The following KNTC1 variants were observed in gnomAD, a reference collection of about 807,000 sequenced individuals.
KNTC1 encodes kinetochore-associated protein 1.
A neutral mutation model predicts 314.4 loss-of-function variants in KNTC1; 253 were observed. The ratio of observed to expected loss-of-function variants is 0.80; its 90% CI spans 0.73 to 0.89. The LOEUF (loss-of-function observed/expected upper bound fraction) is 0.89. Ranked by LOEUF, KNTC1 falls within the 40% of genes least tolerant of loss-of-function variation. The pLI is 0.00. For missense variants in KNTC1, 2,475 were observed against 2,572.9 expected, an observed-to-expected ratio of 0.96 and a Z score of 0.82; for synonymous variants, 901 against 901.4, an observed-to-expected ratio of 1.00 and a Z score of 0.01.
chr12:122,598,089 G>A (rs1213250298), intron 44 of KNTC1, among the ~76,000 whole-genome samples, 151 bp downstream of exon 44: 1 of 152,070 alleles, frequency 6.6e-6, no homozygotes, highest in Non-Finnish European at 1.5e-5. Context: ...TTTTAACACA[G>A]TTAAATACAA....
Position 122,613,227 on chromosome 12 carries a change from T to G in KNTC1, c.5738T>G (p.Val1913Gly), listed in dbSNP as rs535800130. Residue 1913 changes from valine (V) to glycine (G), a missense_variant, in exon 54 of 64, where the codon GTG (valine) becomes GGG (glycine). By Grantham distance (109) the Val-to-Gly change is moderately radical (BLOSUM62 -3). Coordinates refer to ENST00000333479, the MANE Select transcript of KNTC1 (RefSeq NM_014708.6). ...ESLFKKPIEE[V>G]KSYLRCITFL... is the part of the protein sequence containing the mutation. ...CTCTTTAAAAAACCCATTGAAGAAGTGAAGTAAGTAGAAATGTTTAAATTG... is the reference window on the plus strand; with the variant it reads ...CTCTTTAAAAAACCCATTGAAGAAGGGAAGTAAGTAGAAATGTTTAAATTG... 3 of 1,543,840 alleles carry G rather than the reference T, an allele frequency of 1.9e-6. No individual in the cohort carries two copies. The South Asian group carries it at 3.4e-5, about 17-fold the overall frequency.
chr12:122,538,496 A>G (rs1465453786), intron 4 of KNTC1, 42 bp downstream of exon 4: 16 of 1,111,040 alleles, frequency 1.4e-5, no homozygotes, highest in African/African-American at 3.2e-5. Flanking sequence ...TTTAAATTCT[A>G]AATAATCTCT....
At chr12:122,529,133 C>T (rs35416556) in intron 1 of KNTC1, among the ~76,000 whole-genome samples, 5,622 of 152,090 alleles carry the variant, frequency 0.037, 141 homozygotes, top group Non-Finnish European at 0.053. Context: ...TGTGAGCCAC[C>T]GCGCCGGCCT....
chr12:122,561,866 T>C, intron 18 of KNTC1, 55 bp from the exon 19 acceptor site: 1 of 1,411,218 alleles, frequency 7.1e-7, no homozygotes, highest in Non-Finnish European at 9.7e-7. Flanking sequence ...ATCCATCATT[T>C]AGGAAATAAA....
intron 10 of KNTC1, 120 bp downstream of exon 10, chr12:122,546,794 T>A: frequency 1.7e-6 from 1 of 575,760 alleles, no homozygotes. Flanking sequence ...CTGTGCTTTT[T>A]TTCAGTATAT....
chr12:122,568,730 G>T (rs1964499542), intron 21 of KNTC1, among the ~76,000 whole-genome samples: 1 of 152,114 alleles, frequency 6.6e-6, no homozygotes. Context: ...CAGCTACTCA[G>T]GAGGCTGAGG....
chr12:122,572,710 T>G (rs1565971077), intron 24 of KNTC1, among the ~76,000 whole-genome samples: 1 of 152,174 alleles, frequency 6.6e-6, no homozygotes, highest in East Asian at 1.9e-4. Context: ...TATACTAATA[T>G]TCTTAATTTT....
chr12:122,577,073 CT>C (rs1462625598), intron 30 of KNTC1, 44 bp downstream of exon 30: 5 of 1,430,594 alleles, frequency 3.5e-6, no homozygotes, highest in Non-Finnish European at 4.6e-6. Context: ...TTCTTTGTTT[CT>C]GTGTTGTTGT....
chr12:122,533,940 TA>T (rs760774288), intron 2 of KNTC1, among the ~76,000 whole-genome samples: 2 of 150,622 alleles, frequency 1.3e-5, no homozygotes, highest in African/African-American at 2.5e-5. Context: ...TTATTATTGT[TA>T]CTCTTTTACA....
chr12:122,621,946 C>G lies in KNTC1; in HGVS notation c.6345C>G (p.Gly2115=), dbSNP rs917157795. ...AATTGGAAGAGCATATGAACACGGG[C>G]CAGCTAGCAGGATTTTCACATCAAG... The part of the protein sequence containing the change: ...LKQLEEHMNT[G]QLAGFSHQIR... Residue 2115 remains glycine, a synonymous_variant, in exon 61 of 64, where the codon GGC becomes GGG. Coordinates refer to ENST00000333479, the MANE Select transcript of KNTC1 (RefSeq NM_014708.6). 2 of 1,607,922 alleles carry G rather than the reference C, an allele frequency of 1.2e-6. No homozygotes were observed. Among genetic ancestry groups the G allele is most frequent in the Non-Finnish European group, 1.7e-6 (2 of 1,176,804 alleles).
rs767616342 is a variant in KNTC1 at position 122,605,002 on chromosome 12, A to G, written c.5301A>G (p.Gly1767=). The G allele has an allele frequency of 6.2e-7, 1 of 1,613,416 alleles. No individual in the cohort carries two copies. The highest frequency in any genetic ancestry group is 1.1e-5 in the South Asian group (1 of 90,854). ...CTGAGGAATATTTAAGAGTGATCGG[A>G]AAGCCAGCACATCTTATTGTCAGTC... ...LNTEEYLRVI[G]KPAHLIVSLY... The change falls in exon 50 of 64, where the codon GGA becomes GGG. Residue 1767 remains glycine (G), a synonymous_variant. Coordinates refer to ENST00000333479, the MANE Select transcript of KNTC1 (RefSeq NM_014708.6).
Position 122,615,490 on chromosome 12 carries a change from T to A in KNTC1, c.5994T>A (p.Val1998=). Residue 1998 remains valine (V), a synonymous_variant, in exon 57 of 64, where the codon GTT becomes GTA. Transcript: ENST00000333479. ...TACAGATTCCTTATCTAAGGAAAGT[T>A]TTAAAAGCCATCTCCAGTATCCATT... ...GFNMIPYLRK[V]LKAISSIHSL... 6 of 1,529,008 alleles carry A rather than the reference T, an allele frequency of 3.9e-6. No individual in the cohort carries two copies. The highest frequency in any genetic ancestry group is 5.3e-6 in the Non-Finnish European group (6 of 1,133,426). The allele number at this position is 1,529,008 out of a possible 1,614,324, so 94.7% of individuals were successfully genotyped here.
At chr12:122,613,587 C>T in intron 54 of KNTC1, 39 bp from the exon 55 acceptor site, 1 of 1,546,742 alleles carries the variant, frequency 6.5e-7, no homozygotes, top group Non-Finnish European at 8.7e-7. Context: ...GTAAATGTGG[C>T]CTATGAGAAT....
rs572769285 is a variant in KNTC1, at chr12:122,591,361, C to G, written c.4153C>G (p.Leu1385Val). 1 of 1,608,054 alleles carries G rather than the reference C, an allele frequency of 6.2e-7. No homozygotes were observed. Among genetic ancestry groups the G allele is most frequent in the Admixed American group, 1.7e-5 (1 of 59,960 alleles). The part of the protein sequence containing the change: ...ILAISLVGSE[L>V]ASLYQEIEMG... ...GGCAATATCTCTGGTGGGCTCTGAG[C>G]TGGCAAGTCTCTATCAGGAAATAGA... Residue 1385 changes from leucine to valine, a missense_variant, in exon 42 of 64, where the codon CTG becomes GTG. Coordinates refer to ENST00000333479, the MANE Select transcript of KNTC1 (RefSeq NM_014708.6).
chr12:122,566,955 C>T (rs986397812), intron 20 of KNTC1, among the ~76,000 whole-genome samples: 14 of 151,450 alleles, frequency 9.2e-5, no homozygotes, highest in Non-Finnish European at 1.9e-4. Context: ...AGGCTGGTTT[C>T]GAACTCCTGG....
intron 51 of KNTC1, among the ~76,000 whole-genome samples, chr12:122,605,978 G>T (rs1362995464): frequency 2.6e-5 from 4 of 152,084 alleles, no homozygotes. Flanking sequence ...GAGTAGCTGG[G>T]ACTACACGTG....
At chr12:122,568,430 A>G in intron 21 of KNTC1, 58 bp downstream of exon 21, 1 of 948,398 alleles carries the variant, frequency 1.1e-6, no homozygotes, top group East Asian at 2.4e-5. Context: ...TAGGTGATTG[A>G]ATCAATGTTG....
chr12:122,598,000 A>T, intron 44 of KNTC1, 62 bp downstream of exon 44: 1 of 1,212,934 alleles, frequency 8.2e-7, no homozygotes, highest in Non-Finnish European at 1.2e-6. Context: ...TAATAATTAG[A>T]TACATTAGTA....
chr12:122,584,568 C>T, intron 35 of KNTC1, 118 bp downstream of exon 35: 1 of 685,204 alleles, frequency 1.5e-6, no homozygotes, highest in Non-Finnish European at 2.4e-6. Flanking sequence ...ATAGTATCTG[C>T]ATTTCACAAA....
Sources: gnomAD v4.1 joint callset for allele counts (sites outside exome capture counted in the v4.1 genomes callset) on GRCh38, gnomAD v4.1.1 for gene constraint, MANE v1.5 for transcripts, NCBI Gene and HGNC (gene_info 2026-07-23, HGNC 2026-07-21) for gene names.